The following OGT variants were observed in gnomAD, a reference collection of about 807,000 sequenced individuals.
OGT encodes the protein O-linked N-acetylglucosamine (GlcNAc) transferase.
In OGT, 3 loss-of-function variants were observed where a neutral mutation model predicts 75.8. The observed-to-expected ratio is 0.04, with a 90% CI of 0.02 to 0.10. The LOEUF is 0.10. Among genes scored for constraint, OGT ranks in the 10% least tolerant of loss-of-function variants. OGT has a pLI of 1.00. For missense variants in OGT, 260 were observed against 824.4 expected (o/e 0.32, Z 8.38); for synonymous variants, 257 against 289.7 (o/e 0.89, Z 1.15).
intron 3 of OGT, among the ~76,000 whole-genome samples, chrX:71,540,289 T>A (rs1047012292): frequency 1.2e-4 from 13 of 112,641 alleles, no homozygotes; most frequent in African/African-American, 4.2e-4. Flanking sequence ...AAATGCCCGT[T>A]GTCAGTTCAG....
At chrX:71,546,309 T>C in intron 4 of OGT, 3 of 754,412 alleles carry the variant, frequency 4.0e-6, no homozygotes, top group Non-Finnish European at 4.7e-6. Flanking sequence ...TTTTCTCTCT[T>C]GTTTTTGGTT....
chrX:71,534,002 A>G (rs1453517578), intron 1 of OGT, among the ~76,000 whole-genome samples: 1 of 110,855 alleles, frequency 9.0e-6, no homozygotes, highest in Non-Finnish European at 1.9e-5. Context: ...TTCCTTTGCC[A>G]TCGCCCAATT....
chrX:71,556,121 T>G, intron 8 of OGT, 27 bp downstream of exon 8: 1 of 1,198,110 alleles, frequency 8.3e-7, no homozygotes, highest in African/African-American at 1.7e-5. Flanking sequence ...TAGCTGGGCA[T>G]TTAGCATGAT....
At chrX:71,552,748 A>G (rs1302455230) in intron 5 of OGT, among the ~76,000 whole-genome samples, 33 of 100,043 alleles carry the variant, frequency 3.3e-4, no homozygotes, top group African/African-American at 1.0e-3. Context: ...TGATAATGGT[A>G]TTGTGGTTAG....
chrX:71,558,791 T>TTTTTTTG (rs2040361561), intron 12 of OGT, among the ~76,000 whole-genome samples: 1 of 86,242 alleles, frequency 1.2e-5, no homozygotes, highest in Admixed American at 1.4e-4. Context: ...TTTTTTTTTT[T>TTTTTTTG]GAGACAGGGT....
intron 21 of OGT, among the ~76,000 whole-genome samples, chrX:71,569,556 T>A (rs951524657): frequency 4.4e-4 from 49 of 110,171 alleles, no homozygotes; most frequent in African/African-American, 1.6e-3. Context: ...AGTGGGGTGA[T>A]CTTGGCTCAC....
chrX:71,541,723 G>C (rs1335143611), intron 3 of OGT, among the ~76,000 whole-genome samples: 1 of 110,038 alleles, frequency 9.1e-6, no homozygotes, highest in Non-Finnish European at 1.9e-5. Context: ...TGAGGAGTTT[G>C]AATTTAATTT....
At chrX:71,570,441 T>C (rs1157503292) in intron 21 of OGT, among the ~76,000 whole-genome samples, 9 of 111,936 alleles carry the variant, frequency 8.0e-5, no homozygotes, top group Non-Finnish European at 1.1e-4. Flanking sequence ...AGAAACATAC[T>C]TTTTGAGTCA....
In OGT at chrX:71,567,637, G is replaced by A. The variant is rs1171294276; in HGVS notation, c.2727G>A (p.Glu909=). 1 of 1,211,388 alleles carries A rather than the reference G, an allele frequency of 8.3e-7. No individual in the cohort carries two copies. Among genetic ancestry groups the A allele is most frequent in the South Asian group, 1.8e-5 (1 of 56,880 alleles). ...RIIFSPVAPK[E]EHVRRGQLAD... Reference sequence around the variant, plus strand: ...TTTTTTCACCTGTTGCTCCTAAAGAGGAACACGTCAGGAGAGGCCAGCTGG... The same window carrying A: ...TTTTTTCACCTGTTGCTCCTAAAGAAGAACACGTCAGGAGAGGCCAGCTGG... Residue 909 remains glutamate, a synonymous_variant, in exon 20 of 22, where the codon GAG becomes GAA. Transcript: ENST00000373719.
intron 3 of OGT, among the ~76,000 whole-genome samples, chrX:71,542,456 AGCATTGT>A (rs1316530704): frequency 2.7e-5 from 3 of 112,149 alleles, no homozygotes; most frequent in Non-Finnish European, 5.6e-5. Context: ...TTTAACTATG[AGCATTGT>A]GTTAACTTGA....
At chrX:71,570,273 T>C (rs761353596) in intron 21 of OGT, among the ~76,000 whole-genome samples, 1 of 109,970 alleles carries the variant, frequency 9.1e-6, no homozygotes, top group Non-Finnish European at 1.9e-5. Context: ...ACTCCTGACC[T>C]CGTGATCCAC....
At chrX:71,546,649 G>GTT (rs1478289525) in intron 4 of OGT, 2 of 717,529 alleles carry the variant, frequency 2.8e-6, no homozygotes, top group African/African-American at 4.7e-5. Context: ...ATAAGTAAAA[G>GTT]TTAATTGATA....
chrX:71,566,105 A>AT (rs2040414809), intron 19 of OGT, among the ~76,000 whole-genome samples: 2 of 111,926 alleles, frequency 1.8e-5, no homozygotes, highest in South Asian at 3.7e-4. Context: ...TCCTTGGTTA[A>AT]TTTTTTCCCC....
At chrX:71,547,033 T>C in intron 4 of OGT, 2 of 754,829 alleles carry the variant, frequency 2.6e-6, no homozygotes, top group Non-Finnish European at 1.6e-6. Context: ...GTGTTCTATG[T>C]AGCGCAGCAG....
At position 71,549,110 on chromosome X, in the gene OGT, G is replaced by A. The variant is rs931245064; in HGVS notation, c.648+1087G>A. On this transcript the variant is annotated intron_variant, in intron 5 of 21. Coordinates refer to ENST00000373719, the MANE Select transcript of OGT (RefSeq NM_181672.3). ...GCTTGAGCTTAGGAGTTGAAAACCAGCCTGGACAACATAACGAGACCCTGT... is the reference window on the plus strand; with the variant it reads ...GCTTGAGCTTAGGAGTTGAAAACCAACCTGGACAACATAACGAGACCCTGT... 1.9e-4 allele frequency among the ~76,000 whole-genome samples: 20 copies of A among 107,410 alleles called. No individual in the cohort carries two copies. The Admixed American group carries it at 2.0e-3, about 11-fold the overall frequency. The allele number at this position is 107,410 out of a possible 115,157, so 93.3% of individuals were successfully genotyped here. A position where few individuals can be genotyped will look rare whatever the true frequency, so the allele number is the denominator to read the frequency against.
In OGT at chrX:71,555,731, A is replaced by G. The variant is rs1291748527; in HGVS notation, c.925-223A>G. 6.9e-6 allele frequency: 3 copies of G among 432,426 alleles called. No homozygotes were observed. The Admixed American group carries it at 1.3e-4, about 19-fold the overall frequency. 35.6% of individuals were successfully genotyped at this position (432,426 alleles called of 1,213,427 possible). On this transcript the variant is annotated intron_variant, in intron 7 of 21. Coordinates refer to ENST00000373719, the MANE Select transcript of OGT (RefSeq NM_181672.3). ...GAGCACGAGACTCTGTCTCAAAAAA[A>G]TCACAAAAACCAAAAAACAGCAAAA...
chrX:71,537,698 C>A, intron 2 of OGT, 131 bp from the exon 3 acceptor site: 1 of 740,060 alleles, frequency 1.4e-6, no homozygotes, highest in Non-Finnish European at 1.9e-6. Flanking sequence ...TCTTGCTATG[C>A]ACTAGTTAAA....
At chrX:71,572,308 AGTATTTCACT>A (rs1319122140) in intron 21 of OGT, among the ~76,000 whole-genome samples, 4 of 112,380 alleles carry the variant, frequency 3.6e-5, no homozygotes, top group African/African-American at 1.3e-4. Flanking sequence ...TTTGCTGAGT[AGTATTTCACT>A]GTATGAATGC....
rs2040262436 is a variant in OGT at position 71,546,800 on chromosome X, GGCTGC to G, written c.532-1104_532-1100del. ...CGCTGTGACCCTGCAGTAGCGCAAA[GGCTGC>G]GCAGCGTTAATGCGCATTGCGTGCG... On this transcript the variant is annotated intron_variant, in intron 4 of 21. Coordinates refer to ENST00000373719, the MANE Select transcript of OGT (RefSeq NM_181672.3). 3 of 753,630 alleles carry G rather than the reference GGCTGC, an allele frequency of 4.0e-6. No homozygotes were observed. The African/African-American group carries it at 6.9e-5, about 17-fold the overall frequency. The allele number at this position is 753,630 out of a possible 1,213,427, so 62.1% of individuals were successfully genotyped here.
Sources: allele counts gnomAD v4.1 joint callset (sites outside exome capture counted in the v4.1 genomes callset), GRCh38; gene constraint gnomAD v4.1.1; transcripts MANE v1.5; gene names NCBI Gene and HGNC (gene_info 2026-07-23, HGNC 2026-07-21).